Variants in ZNF182 observed in about 807,000 individuals in gnomAD.
ZNF182 encodes zinc finger protein 21 (KOX 14).
Under a neutral mutation model 28.1 loss-of-function variants are expected in ZNF182, and 10 were observed. The observed-to-expected ratio is 0.36, with a 90% CI of 0.22 to 0.60. The LOEUF (loss-of-function observed/expected upper bound fraction) is 0.60. Ranked by LOEUF, ZNF182 falls within the 20% of genes least tolerant of loss-of-function variation. ZNF182 has a pLI of 0.75. For synonymous variants in ZNF182, 156 were observed against 158.7 expected (o/e 0.98, Z 0.13); for missense variants, 352 against 453.2 (o/e 0.78, Z 2.03).
At position 48,003,962 on chromosome X, in the gene ZNF182, T is replaced by C. The variant is rs782024600; in HGVS notation, c.-293A>G. ...CTGCTCAGGAGACCGTTACAAAGCC[T>C]GGCCCCAACAAGCACTTCCGCTTCG... On this transcript the variant is annotated 5_prime_UTR_variant, in exon 1 of 6. Coordinates refer to ENST00000376943, the MANE Select transcript of ZNF182 (RefSeq NM_001007088.2). 3.6e-5 allele frequency: 4 copies of C among 112,135 alleles called. No individual in the cohort carries two copies. Among genetic ancestry groups the C allele is most frequent in the South Asian group, 7.4e-4 (2 of 2,712 alleles). 9.2% of individuals were successfully genotyped at this position (112,135 alleles called of 1,213,427 possible). A position where few individuals can be genotyped will look rare whatever the true frequency, so the allele number is the denominator to read the frequency against.
At chrX:48,000,518 C>T (rs889131431) in intron 3 of ZNF182, among the ~76,000 whole-genome samples, 9 of 110,140 alleles carry the variant, frequency 8.2e-5, no homozygotes, top group African/African-American at 3.0e-4. Context: ...GCCAAGATGG[C>T]GCCACTGCAC....
intron 3 of ZNF182, among the ~76,000 whole-genome samples, chrX:47,995,717 C>T (rs1556901008): frequency 8.9e-6 from 1 of 112,496 alleles, no homozygotes; most frequent in Non-Finnish European, 1.9e-5. Flanking sequence ...AAGAAATCCA[C>T]ACTCAGACAC....
chrX:47,977,632 G>A lies in ZNF182; in HGVS notation c.398C>T (p.Ala133Val), dbSNP rs1556898491. 4.1e-6 allele frequency: 5 copies of A among 1,210,615 alleles called. No individual in the cohort carries two copies. Among genetic ancestry groups the A allele is most frequent in the South Asian group, 1.8e-5 (1 of 56,811 alleles). The change falls in exon 6 of 6, where the codon GCT becomes GTT. Residue 133 changes from alanine (A) to valine (V), a missense_variant. Physicochemically the swap from Ala to Val is moderately conservative, Grantham distance 64. Transcript: ENST00000376943. ...NILHLSTNLV[A>V]SIQRPDKHES... is the part of the protein sequence containing the mutation. ...GTGTTTATCGGGTCTTTGTATTGAA[G>A]CAACAAGGTTTGTACTCAGATGAAG...
Position 47,977,391 on chromosome X carries a change from T to G in ZNF182, c.639A>C (p.Lys213Asn), listed in dbSNP as rs1556898407. ...SLHQRIKNGE[K>N]PFECTACRKT... is the part of the protein sequence containing the mutation. ...TCCTACATGCAGTACATTCAAAGGGTTTCTCTCCATTTTTAATTCTCTGAT... is the reference window on the plus strand; with the variant it reads ...TCCTACATGCAGTACATTCAAAGGGGTTCTCTCCATTTTTAATTCTCTGAT... Residue 213 changes from lysine to asparagine, a missense_variant, in exon 6 of 6, where the codon AAA becomes AAC. Physicochemically the swap from Lys to Asn is moderately conservative, Grantham distance 94. Transcript: ENST00000376943. 1.7e-6 allele frequency: 2 copies of G among 1,205,240 alleles called. No individual in the cohort carries two copies. The highest frequency in any genetic ancestry group is 2.2e-6 in the Non-Finnish European group (2 of 893,447).
rs782025258 is a variant in ZNF182 at position 48,000,174 on chromosome X, C to A, written c.15+2421G>T. ...AACATTAAATAATAAAATAATAAAG[C>A]AAAAAAAAATTCTCAACAATTGGGG... On this transcript the variant is annotated intron_variant, in intron 3 of 5. Transcript: ENST00000376943. Among the ~76,000 whole-genome samples, 40 of 108,999 alleles carry A rather than the reference C, an allele frequency of 3.7e-4. No individual in the cohort carries two copies. The Middle Eastern group carries it at 0.015, about 40-fold the overall frequency. 94.7% of individuals were successfully genotyped at this position (108,999 alleles called of 115,157 possible).
Position 47,976,579 on chromosome X carries a change from A to G in ZNF182, c.1451T>C (p.Ile484Thr). 1.7e-6 allele frequency: 2 copies of G among 1,210,233 alleles called. No individual in the cohort carries two copies. The highest frequency in any genetic ancestry group is 3.0e-5 in the East Asian group (1 of 33,850). ...KAFSQKSYLIIHQRTHTEEKP... is the reference protein window; with the variant it reads ...KAFSQKSYLITHQRTHTEEKP... The stretch of plus-strand genomic sequence containing the variant: ...TTCTTCTGTATGAGTTCTTTGATGT[A>G]TAATGAGATATGATTTCTGTGAAAA... Residue 484 changes from isoleucine to threonine, a missense_variant, in exon 6 of 6, where the codon ATA becomes ACA. Physicochemically the swap from Ile to Thr is moderately conservative, Grantham distance 89 (BLOSUM62 -1). Coordinates refer to ENST00000376943, the MANE Select transcript of ZNF182 (RefSeq NM_001007088.2).
At chrX:47,990,657 A>G (rs967037854) in intron 3 of ZNF182, among the ~76,000 whole-genome samples, 13 of 112,040 alleles carry the variant, frequency 1.2e-4, no homozygotes, top group African/African-American at 3.2e-4. Flanking sequence ...GGTCAACCTC[A>G]TTAATAAATA....
chrX:47,986,848 C>T (rs556793232), intron 3 of ZNF182, among the ~76,000 whole-genome samples: 2 of 112,178 alleles, frequency 1.8e-5, no homozygotes, highest in African/African-American at 6.5e-5. Flanking sequence ...CTGGATGCTT[C>T]CTGTCCTCAA....
chrX:47,996,882 G>C (rs984791624), intron 3 of ZNF182, among the ~76,000 whole-genome samples: 19 of 111,857 alleles, frequency 1.7e-4, no homozygotes, highest in African/African-American at 5.9e-4. Context: ...GAGTGCCCGA[G>C]GCTAAAACCA....
In ZNF182 at chrX:47,976,913, G is replaced by A; in HGVS notation, c.1117C>T (p.His373Tyr). Reference protein sequence around the residue: ...TFSDKSTLIIHQRTHTGEKPH... With the variant: ...TFSDKSTLIIYQRTHTGEKPH... ...TTCTCTCCCGTATGAGTTCTCTGGT[G>A]TATAATGAGAGTTGACTTATCACTG... The change falls in exon 6 of 6, where the codon CAC becomes TAC. Residue 373 changes from histidine to tyrosine, a missense_variant. His to Tyr is a moderately conservative substitution (Grantham distance 83). Transcript: ENST00000376943. 4 of 1,209,984 alleles carry A rather than the reference G, an allele frequency of 3.3e-6. No homozygotes were observed. Among genetic ancestry groups the A allele is most frequent in the Non-Finnish European group, 4.5e-6 (4 of 894,981 alleles).
chrX:47,996,716 T>C (rs1229018196), intron 3 of ZNF182, among the ~76,000 whole-genome samples: 1 of 111,619 alleles, frequency 9.0e-6, no homozygotes, highest in Non-Finnish European at 1.9e-5. Context: ...ATAAAGGCAA[T>C]TAAGGTTAAA....
intron 3 of ZNF182, among the ~76,000 whole-genome samples, chrX:47,995,117 G>A (rs1318458318): frequency 2.8e-5 from 3 of 108,926 alleles, no homozygotes; most frequent in African/African-American, 6.6e-5. Context: ...AGATCACAAG[G>A]TCAAGAGATC....
At position 47,982,948 on chromosome X, in the gene ZNF182, C is replaced by T; in HGVS notation, c.232+1G>A. ...AGAGCCTGGGTCAAAATTCCACTTA[C>T]CTGGAAAGTTCCAAAATGGGATTTT... On this transcript the variant is annotated splice_donor_variant, in intron 5 of 5. Transcript: ENST00000376943. LOFTEE classifies it high-confidence loss of function. The T allele has an allele frequency of 8.3e-7, 1 of 1,209,841 alleles. No individual in the cohort carries two copies. Among genetic ancestry groups the T allele is most frequent in the Non-Finnish European group, 1.1e-6 (1 of 893,931 alleles).
chrX:47,999,483 T>C lies in ZNF182; in HGVS notation c.15+3112A>G, dbSNP rs782713947. 2.7e-5 allele frequency among the ~76,000 whole-genome samples: 3 copies of C among 110,618 alleles called. No individual in the cohort carries two copies. In the South Asian group the frequency reaches 1.2e-3, roughly 43 times the overall value. ...TAAATACTGCCTGTGCTCACTCATA[T>C]GTAGAAGCTTAAAAAATTCTTCTCA... On this transcript the variant is annotated intron_variant, in intron 3 of 5. Transcript: ENST00000376943.
intron 3 of ZNF182, among the ~76,000 whole-genome samples, chrX:47,986,196 G>T (rs1406752308): frequency 8.9e-6 from 1 of 112,351 alleles, no homozygotes; most frequent in African/African-American, 3.2e-5. Context: ...GAAGGCAAGG[G>T]GAATACAGAA....
chrX:47,975,547 TC>T lies in ZNF182; in HGVS notation c.*619del, dbSNP rs1237028795. ...TTTTTTTTGACAACTGAGAATTTTT[TC>T]CCCCCACAGCTGTTCGTTCTTTCTG... On this transcript the variant is annotated 3_prime_UTR_variant, in exon 6 of 6. Coordinates refer to ENST00000376943, the MANE Select transcript of ZNF182 (RefSeq NM_001007088.2). The T allele has an allele frequency of 9.1e-6, 1 of 109,976 alleles. No homozygotes were observed. The highest frequency in any genetic ancestry group is 3.3e-5 in the African/African-American group (1 of 30,086). The allele number at this position is 109,976 out of a possible 1,213,427, so 9.1% of individuals were successfully genotyped here. A position where few individuals can be genotyped will look rare whatever the true frequency, so the allele number is the denominator to read the frequency against.
intron 3 of ZNF182, among the ~76,000 whole-genome samples, chrX:48,002,325 C>T (rs782185569): frequency 8.9e-6 from 1 of 111,936 alleles, no homozygotes; most frequent in South Asian, 3.7e-4. Context: ...TGTGCTCTCT[C>T]CTGATGAGTA....
rs782668422 is a variant in ZNF182 at position 47,976,490 on chromosome X, G to GA, written c.1539dup (p.Gln514SerfsTer11). On this transcript the variant is annotated frameshift_variant, in exon 6 of 6. Transcript: ENST00000376943. LOFTEE classifies it high-confidence loss of function. Reference sequence around the variant, plus strand: ...GGTTTCTCTCCTGTATGAATTCTCTGATGTATAATGAGCTTTGACTTTTCT... The same window carrying GA: ...GGTTTCTCTCCTGTATGAATTCTCTGAATGTATAATGAGCTTTGACTTTTCT... 3.3e-6 allele frequency: 4 copies of GA among 1,208,538 alleles called. No individual in the cohort carries two copies. The South Asian group carries it at 7.1e-5, about 21-fold the overall frequency.
chrX:47,983,113 G>A lies in ZNF182; in HGVS notation c.143-75C>T, dbSNP rs2058911960. 7.2e-6 allele frequency: 8 copies of A among 1,112,292 alleles called. No homozygotes were observed. In the South Asian group the frequency reaches 1.5e-4, roughly 21 times the overall value. The allele number at this position is 1,112,292 out of a possible 1,213,427, so 91.7% of individuals were successfully genotyped here. A position where few individuals can be genotyped will look rare whatever the true frequency, so the allele number is the denominator to read the frequency against. On this transcript the variant is annotated intron_variant, in intron 4 of 5. Coordinates refer to ENST00000376943, the MANE Select transcript of ZNF182 (RefSeq NM_001007088.2). ...AGACAGAAGAAGTTACATATTGGGG[G>A]CAGCACAAGGAATCTATTGCTTGAC...
Sources: allele counts gnomAD v4.1 joint callset (sites outside exome capture counted in the v4.1 genomes callset), GRCh38; gene constraint gnomAD v4.1.1; transcripts MANE v1.5; gene names NCBI Gene and HGNC (gene_info 2026-07-23, HGNC 2026-07-21).